ANO3: variants seen among roughly 807,000 people sequenced by gnomAD.
ANO3 encodes the protein anoctamin 3, also known as anoctamin-3.
Under a neutral mutation model 144.8 loss-of-function variants are expected in ANO3, and 99 were observed. That is an observed-to-expected ratio of 0.68 (90% CI 0.58 to 0.81). ANO3 has a LOEUF of 0.81. Among genes scored for constraint, ANO3 ranks in the 30% least tolerant of loss-of-function variants. The pLI, the probability that ANO3 is intolerant of heterozygous loss-of-function variation, is 0.00. For synonymous variants in ANO3, 414 were observed against 392.6 expected, an observed-to-expected ratio of 1.05 and a Z score of -0.64; for missense variants, 905 against 1,202.2, an observed-to-expected ratio of 0.75 and a Z score of 3.66.
chr11:26,203,391 A>C (rs955118950), intron 1 of ANO3, among the ~76,000 whole-genome samples: 1 of 152,152 alleles, frequency 6.6e-6, no homozygotes, highest in East Asian at 1.9e-4. Flanking sequence ...GAGCAACAGG[A>C]GGAAGGCATA....
At chr11:26,544,099 A>T (rs2134209898) in intron 11 of ANO3, among the ~76,000 whole-genome samples, 1 of 151,326 alleles carries the variant, frequency 6.6e-6, no homozygotes, top group Non-Finnish European at 1.5e-5. Flanking sequence ...TAGGAATTAA[A>T]ATGAAGTTAG....
intron 1 of ANO3, among the ~76,000 whole-genome samples, chr11:26,420,861 G>T (rs1229710855): frequency 1.3e-5 from 2 of 152,008 alleles, no homozygotes; most frequent in African/African-American, 4.8e-5. Context: ...CTTACAATGG[G>T]CATTATTTTT....
intron 25 of ANO3, 62 bp downstream of exon 25, chr11:26,656,267 T>C (rs1222754896): frequency 6.6e-7 from 1 of 1,508,360 alleles, no homozygotes; most frequent in African/African-American, 1.4e-5. Context: ...CCCCTGCATG[T>C]TAATGAGGAC....
chr11:26,332,285 C>G lies in ANO3; in HGVS notation c.10C>G (p.His4Asp), dbSNP rs750220809. The G allele has an allele frequency of 1.9e-6, 3 of 1,613,948 alleles. No homozygotes were observed. The highest frequency in any genetic ancestry group is 1.7e-5 in the Admixed American group (1 of 60,004). The change falls in exon 1 of 27, where the codon CAT becomes GAT. Residue 4 changes from histidine to aspartate, a missense_variant. His to Asp is a moderately conservative substitution (Grantham distance 81). Around this residue, in one of 4 missense-constraint regions of ANO3, gnomAD observed 174 missense variants for 171.9 expected, o/e 1.01. Coordinates refer to ENST00000256737, the MANE Select transcript of ANO3 (RefSeq NM_031418.4). The stretch of plus-strand genomic sequence containing the variant: ...GACGCGCAGAGTGAAAATGGTCCAC[C>G]ATTCAGGCTCCATTCAGTCCTTTAA... MVHHSGSIQSFKQQ... is the reference protein window; with the variant it reads MVHDSGSIQSFKQQ...
intron 1 of ANO3, among the ~76,000 whole-genome samples, chr11:26,386,355 T>C (rs1297387625): frequency 6.6e-6 from 1 of 152,182 alleles, no homozygotes; most frequent in Non-Finnish European, 1.5e-5. Flanking sequence ...AGATCACATT[T>C]TGGCATCCAT....
intron 13 of ANO3, among the ~76,000 whole-genome samples, chr11:26,558,369 G>A (rs1037561993): frequency 6.6e-6 from 1 of 151,972 alleles, no homozygotes; most frequent in South Asian, 2.1e-4. Context: ...GGTTTACAAA[G>A]GAAAACAGAC....
At chr11:26,282,347 C>T (rs1242996672) in intron 1 of ANO3, among the ~76,000 whole-genome samples, 2 of 148,876 alleles carry the variant, frequency 1.3e-5, no homozygotes, top group African/African-American at 5.0e-5. Context: ...ATTCATGTGT[C>T]TGAATTTATC....
intron 24 of ANO3, among the ~76,000 whole-genome samples, chr11:26,650,805 A>C (rs568134953): frequency 6.6e-6 from 1 of 152,346 alleles, no homozygotes; most frequent in African/African-American, 2.4e-5. Flanking sequence ...CAAAGAAAAA[A>C]AATACTCATG....
At chr11:26,625,210 C>G (rs1420834942) in intron 18 of ANO3, among the ~76,000 whole-genome samples, 1 of 152,234 alleles carries the variant, frequency 6.6e-6, no homozygotes, top group African/African-American at 2.4e-5. Context: ...CAGGCGTGAG[C>G]CACTGTGTCC....
intron 1 of ANO3, among the ~76,000 whole-genome samples, chr11:26,374,707 G>C (rs1395135494): frequency 1.3e-5 from 2 of 152,130 alleles, no homozygotes; most frequent in Admixed American, 6.5e-5. Context: ...GGTGGTTTCA[G>C]GATGATTCAA....
chr11:26,526,692 T>C (rs1433449001), intron 7 of ANO3, among the ~76,000 whole-genome samples: 1 of 152,212 alleles, frequency 6.6e-6, no homozygotes, highest in Middle Eastern at 3.4e-3. Context: ...AAAAGTAAAT[T>C]ATGGAGAAAA....
Position 26,639,276 on chromosome 11 carries a change from A to G in ANO3, c.2141+35A>G, listed in dbSNP as rs372785864. On this transcript the variant is annotated intron_variant, in intron 21 of 26. Coordinates refer to ENST00000256737, the MANE Select transcript of ANO3 (RefSeq NM_031418.4). ...TTATTTTCAAACTTGCCTTATGTCT[A>G]GTTACAAAGAGGAAAGCTAGAGGTG... 221 of 1,524,932 alleles carry G rather than the reference A, an allele frequency of 1.4e-4. 1 individual carries two copies. Among genetic ancestry groups the G allele is most frequent in the Middle Eastern group, 1.7e-4 (1 of 5,920 alleles). The allele number at this position is 1,524,932 out of a possible 1,614,324, so 94.5% of individuals were successfully genotyped here. A position where few individuals can be genotyped will look rare whatever the true frequency, so the allele number is the denominator to read the frequency against.
intron 1 of ANO3, among the ~76,000 whole-genome samples, chr11:26,392,759 T>C (rs1323624927): frequency 6.6e-6 from 1 of 152,150 alleles, no homozygotes; most frequent in Non-Finnish European, 1.5e-5. Flanking sequence ...ACGGGATTAA[T>C]TGAAAAGATT....
In ANO3 at chr11:26,513,568, T is replaced by A. The variant is rs190439527; in HGVS notation, c.592-3259T>A. On this transcript the variant is annotated intron_variant, in intron 5 of 26. Transcript: ENST00000256737. ...CCAGCGTTCATCAGATATTAGTCAC[T>A]CTTTCATGTACTCTGGCAACCAACA... Among the ~76,000 whole-genome samples, 39 of 152,262 alleles carry A rather than the reference T, an allele frequency of 2.6e-4. No individual in the cohort carries two copies. The East Asian group carries it at 7.2e-3, about 28-fold the overall frequency.
chr11:26,542,435 C>T (rs1849670703), intron 11 of ANO3, among the ~76,000 whole-genome samples: 1 of 151,948 alleles, frequency 6.6e-6, no homozygotes, highest in Non-Finnish European at 1.5e-5. Context: ...ATGGAGAGGG[C>T]ATAGAGAGGG....
In ANO3 at chr11:26,496,974, G is replaced by GTATATATATATA. The variant is rs71047855; in HGVS notation, c.433-11119_433-11108dup. 6.8e-3 allele frequency among the ~76,000 whole-genome samples: 931 copies of GTATATATATATA among 136,416 alleles called. 5 individuals are homozygous for GTATATATATATA. The highest frequency in any genetic ancestry group is 0.031 in the East Asian group (141 of 4,602). The allele number at this position is 136,416 out of a possible 152,430, so 89.5% of individuals were successfully genotyped here. A position where few individuals can be genotyped will look rare whatever the true frequency, so the allele number is the denominator to read the frequency against. On this transcript the variant is annotated intron_variant, in intron 4 of 26. Coordinates refer to ENST00000256737, the MANE Select transcript of ANO3 (RefSeq NM_031418.4). ...TGACTGTAAAGAGAAAATGTTGTGTGTATATATATATATATATATATACAC... is the reference window on the plus strand; with the variant it reads ...TGACTGTAAAGAGAAAATGTTGTGTGTATATATATATATATATATATATATATATATATACAC...
chr11:26,204,504 T>A (rs1164953691), intron 1 of ANO3, among the ~76,000 whole-genome samples: 1 of 152,130 alleles, frequency 6.6e-6, no homozygotes, highest in Non-Finnish European at 1.5e-5. Context: ...ACAGGTCAAT[T>A]TTCCCTGAGA....
chr11:26,592,283 T>C (rs1409595183), intron 14 of ANO3, among the ~76,000 whole-genome samples: 4 of 151,844 alleles, frequency 2.6e-5, no homozygotes, highest in African/African-American at 9.7e-5. Context: ...TAGATGTTGT[T>C]TGAGTGTTTC....
chr11:26,594,220 T>C (rs540926747), intron 14 of ANO3, among the ~76,000 whole-genome samples: 39 of 152,298 alleles, frequency 2.6e-4, no homozygotes, highest in Non-Finnish European at 5.4e-4. Context: ...GGCACCAATC[T>C]CCATCTTCTG....
Sources: allele counts gnomAD v4.1 joint callset (sites outside exome capture counted in the v4.1 genomes callset), GRCh38; gene constraint gnomAD v4.1.1; regional missense constraint gnomAD v4.1.1; transcripts MANE v1.5; gene names NCBI Gene and HGNC (gene_info 2026-07-23, HGNC 2026-07-21).